The following ROR1 variants were observed in gnomAD, a reference collection of about 807,000 sequenced individuals.
The protein encoded by ROR1 is inactive tyrosine-protein kinase transmembrane receptor ROR1.
In ROR1, 19 loss-of-function variants were observed where a neutral mutation model predicts 78.8. The ratio of observed to expected loss-of-function variants is 0.24; its 90% CI spans 0.17 to 0.35. The LOEUF is 0.35. ROR1 is among the 10% of genes least tolerant of loss of function. ROR1 has a pLI of 1.00. For synonymous variants in ROR1, 386 were observed against 433.6 expected (o/e 0.89, Z 1.36); for missense variants, 917 against 1,177.8 (o/e 0.78, Z 3.24).
At chr1:64,038,694 G>A (rs1646722752) in intron 2 of ROR1, among the ~76,000 whole-genome samples, 2 of 152,266 alleles carry the variant, frequency 1.3e-5, no homozygotes, top group South Asian at 4.1e-4. Flanking sequence ...CTGCATGACT[G>A]TGTAGCCAGG....
intron 1 of ROR1, among the ~76,000 whole-genome samples, chr1:63,958,124 A>G (rs1388608362): frequency 6.6e-6 from 1 of 152,176 alleles, no homozygotes; most frequent in African/African-American, 2.4e-5. Context: ...ATTTTGTCAT[A>G]TAGCTATATC....
chr1:63,805,611 ATGTCT>A (rs964447802), intron 1 of ROR1, among the ~76,000 whole-genome samples: 2 of 152,204 alleles, frequency 1.3e-5, no homozygotes, highest in Non-Finnish European at 2.9e-5. Flanking sequence ...CAAAAAGGTG[ATGTCT>A]TGGTAAAGAG....
At chr1:64,155,900 G>A (rs926470585) in intron 7 of ROR1, among the ~76,000 whole-genome samples, 2 of 152,082 alleles carry the variant, frequency 1.3e-5, no homozygotes, top group Non-Finnish European at 1.5e-5. Context: ...CAACTGTATG[G>A]CAATTTTCAA....
At chr1:63,776,212 C>T (rs555412514) in intron 1 of ROR1, among the ~76,000 whole-genome samples, 1 of 152,320 alleles carries the variant, frequency 6.6e-6, no homozygotes, top group South Asian at 2.1e-4. Flanking sequence ...ATCATAGCCC[C>T]TTGTGGGGGT....
At chr1:63,898,633 CAG>C (rs1221463067) in intron 1 of ROR1, among the ~76,000 whole-genome samples, 1 of 150,502 alleles carries the variant, frequency 6.6e-6, no homozygotes, top group East Asian at 2.0e-4. Flanking sequence ...AGAAAGGAGA[CAG>C]AGGAAAGAAG....
chr1:63,831,581 G>A (rs1016446421), intron 1 of ROR1, among the ~76,000 whole-genome samples: 1 of 152,164 alleles, frequency 6.6e-6, no homozygotes, highest in Non-Finnish European at 1.5e-5. Context: ...CACAGAACAG[G>A]GAGTGCAGGA....
intron 7 of ROR1, among the ~76,000 whole-genome samples, chr1:64,154,561 G>T (rs747512351): frequency 9.2e-5 from 14 of 152,080 alleles, no homozygotes; most frequent in Non-Finnish European, 1.8e-4. Context: ...AAGAAATCAT[G>T]ATTACTTTGC....
Position 63,774,803 on chromosome 1 carries a change from T to C in ROR1, c.91+295T>C, listed in dbSNP as rs1344301254. 1.3e-5 allele frequency among the ~76,000 whole-genome samples: 2 copies of C among 151,948 alleles called. No individual in the cohort carries two copies. The highest frequency in any genetic ancestry group is 1.3e-4 in the Admixed American group (2 of 15,280). The stretch of plus-strand genomic sequence containing the variant: ...GAAGCGTGGAGGGGTTTGAGGGTCC[T>C]GGGGGTGATCGGGGCACTTCTGTGC... On this transcript the variant is annotated intron_variant, in intron 1 of 8. Coordinates refer to ENST00000371079, the MANE Select transcript of ROR1 (RefSeq NM_005012.4). The surrounding 1 kb of genome is among the most constrained non-coding windows in gnomAD (Gnocchi z 5.7).
rs79316948 is a variant in ROR1, at chr1:64,047,723, T to C, written c.164-1968T>C. 3.9e-3 allele frequency among the ~76,000 whole-genome samples: 589 copies of C among 152,302 alleles called. 7 individuals carry two copies. The highest frequency in any genetic ancestry group is 0.013 in the African/African-American group (560 of 41,572). On this transcript the variant is annotated intron_variant, in intron 2 of 8. Coordinates refer to ENST00000371079, the MANE Select transcript of ROR1 (RefSeq NM_005012.4). ...GCATACCTCAAACATCTTAGGAACA[T>C]ATGTGCTTATATCCATGAGCAAACA... is the stretch of plus-strand genomic sequence containing the variant.
At chr1:63,959,424 T>A (rs1646010263) in intron 1 of ROR1, among the ~76,000 whole-genome samples, 1 of 152,164 alleles carries the variant, frequency 6.6e-6, no homozygotes, top group South Asian at 2.1e-4. Context: ...GGATTTCTCC[T>A]TTCACCGAGT....
At position 64,038,883 on chromosome 1, in the gene ROR1, T is replaced by A. The variant is rs75097105; in HGVS notation, c.164-10808T>A. ...AAAAGGCATGGTCCCATCCTCAAAG[T>A]TCACGGCCTTGTGTGTTGAATTGAT... is the stretch of plus-strand genomic sequence containing the variant. On this transcript the variant is annotated intron_variant, in intron 2 of 8. Transcript: ENST00000371079. 1.2e-4 allele frequency among the ~76,000 whole-genome samples: 19 copies of A among 152,340 alleles called. No homozygotes were observed. In the East Asian group the frequency reaches 3.5e-3, roughly 28 times the overall value.
intron 1 of ROR1, among the ~76,000 whole-genome samples, chr1:63,936,072 AG>A (rs1645792046): frequency 6.6e-6 from 1 of 152,254 alleles, no homozygotes; most frequent in African/African-American, 2.4e-5. Context: ...CTGGCATCCC[AG>A]TGGCATTACC....
chr1:64,002,050 T>C (rs762178483), intron 1 of ROR1, among the ~76,000 whole-genome samples: 18 of 152,018 alleles, frequency 1.2e-4, no homozygotes, highest in Non-Finnish European at 2.2e-4. Flanking sequence ...CATCACGCTG[T>C]TTATAATTGC....
chr1:63,871,973 A>C (rs1645254188), intron 1 of ROR1, among the ~76,000 whole-genome samples: 1 of 152,218 alleles, frequency 6.6e-6, no homozygotes, highest in Admixed American at 6.5e-5. Context: ...TACACTAATG[A>C]GATGCTGTTG....
At chr1:64,060,774 G>A (rs1318884399) in intron 4 of ROR1, among the ~76,000 whole-genome samples, 2 of 152,140 alleles carry the variant, frequency 1.3e-5, no homozygotes, top group African/African-American at 4.8e-5. Flanking sequence ...CAGATGGAGG[G>A]AATGTGTGGA....
intron 4 of ROR1, among the ~76,000 whole-genome samples, chr1:64,134,872 C>T (rs756600849): frequency 3.9e-5 from 6 of 152,070 alleles, no homozygotes; most frequent in South Asian, 4.2e-4. Flanking sequence ...CCTCAGCCCC[C>T]TGACTAGCTG....
At chr1:63,958,181 A>C (rs1645999069) in intron 1 of ROR1, among the ~76,000 whole-genome samples, 2 of 152,224 alleles carry the variant, frequency 1.3e-5, no homozygotes, top group Admixed American at 6.5e-5. Context: ...ATTTATTATT[A>C]TGCAAGTATG....
intron 1 of ROR1, among the ~76,000 whole-genome samples, chr1:63,897,908 C>A (rs1006713586): frequency 6.6e-6 from 1 of 152,184 alleles, no homozygotes; most frequent in African/African-American, 2.4e-5. Flanking sequence ...ACCCAGCCTG[C>A]AGAGGTTCTG....
chr1:64,121,757 C>T (rs375409545), intron 4 of ROR1, among the ~76,000 whole-genome samples: 2 of 152,152 alleles, frequency 1.3e-5, no homozygotes, highest in Non-Finnish European at 2.9e-5. Context: ...ACCACTGAGC[C>T]CTGGCACCTA....
Sources: allele counts gnomAD v4.1 joint callset (sites outside exome capture counted in the v4.1 genomes callset), GRCh38; gene constraint gnomAD v4.1.1; non-coding constraint Gnocchi (gnomAD v3.1); transcripts MANE v1.5; gene names NCBI Gene and HGNC (gene_info 2026-07-23, HGNC 2026-07-21).